The following MAPK9 variants were observed in gnomAD, a reference collection of about 807,000 sequenced individuals.
The protein encoded by MAPK9 is mitogen-activated protein kinase 9.
Under a neutral mutation model 57.1 loss-of-function variants are expected in MAPK9, and 30 were observed. That is an observed-to-expected ratio of 0.53 (90% confidence interval 0.39 to 0.71). MAPK9 has a LOEUF of 0.71. MAPK9 is among the 30% of genes least tolerant of loss of function. The pLI is 0.00. For missense variants in MAPK9, 362 were observed against 521.0 expected (o/e 0.69, Z 2.97); for synonymous variants, 155 against 177.0 (o/e 0.88, Z 0.99).
chr5:180,241,578 C>T (rs954528552), intron 8 of MAPK9, among the ~76,000 whole-genome samples: 3 of 152,226 alleles, frequency 2.0e-5, no homozygotes, highest in Non-Finnish European at 1.5e-5. Flanking sequence ...GGATTACAGG[C>T]GTGAGCCGCC....
At chr5:180,286,526 G>T (rs1222811058) in intron 1 of MAPK9, among the ~76,000 whole-genome samples, 1 of 151,748 alleles carries the variant, frequency 6.6e-6, no homozygotes, top group South Asian at 2.1e-4. Flanking sequence ...AGCTCTCAGG[G>T]CCATCCTCTG....
chr5:180,266,504 G>A (rs1760566929), intron 3 of MAPK9, among the ~76,000 whole-genome samples: 1 of 151,866 alleles, frequency 6.6e-6, no homozygotes, highest in Non-Finnish European at 1.5e-5. Context: ...TAGTAGAGAC[G>A]GGGTTTCACC....
chr5:180,270,265 ATTG>A (rs1464577047), intron 2 of MAPK9, among the ~76,000 whole-genome samples: 4 of 152,226 alleles, frequency 2.6e-5, no homozygotes, highest in African/African-American at 7.2e-5. Flanking sequence ...AGTTTATAAC[ATTG>A]TTTACATTTA....
chr5:180,239,392 G>A (rs969362964), intron 10 of MAPK9, among the ~76,000 whole-genome samples: 46 of 152,176 alleles, frequency 3.0e-4, no homozygotes, highest in African/African-American at 1.0e-3. Context: ...GGATGGCCCT[G>A]GGGCATGACC....
intron 2 of MAPK9, among the ~76,000 whole-genome samples, chr5:180,278,705 T>A (rs997707650): frequency 5.3e-5 from 8 of 151,420 alleles, no homozygotes; most frequent in Admixed American, 1.3e-4. Flanking sequence ...CTCAAAAAAA[T>A]AAATAAATAA....
intron 5 of MAPK9, among the ~76,000 whole-genome samples, chr5:180,251,841 T>C (rs1039261951): frequency 6.6e-6 from 1 of 152,084 alleles, no homozygotes; most frequent in Admixed American, 6.5e-5. Context: ...GGGCAGGTGC[T>C]GACCTCCCCC....
intron 1 of MAPK9, 49 bp from the exon 2 acceptor site, chr5:180,280,657 G>T (rs73811347): frequency 2.8e-5 from 40 of 1,449,890 alleles, no homozygotes; most frequent in Non-Finnish European, 3.4e-5. Context: ...AAGTACATAC[G>T]CAGCTCACGT....
At position 180,280,504 on chromosome 5, in the gene MAPK9, A is replaced by G. The variant is rs767823152; in HGVS notation, c.58T>C (p.Phe20Leu). 6.2e-7 allele frequency: 1 copy of G among 1,614,242 alleles called. No individual in the cohort carries two copies. ...TGCTGGTAACGTTTTAGGACAGTGA[A>G]GGTTGAGTCTGCCACTTGCACACTA... ...FYSVQVADST[F>L]TVLKRYQQLK... The change falls in exon 2 of 12, where the codon TTC (phenylalanine) becomes CTC (leucine). Residue 20 changes from phenylalanine (F) to leucine (L), a missense_variant. Phe to Leu is a conservative substitution (Grantham distance 22, BLOSUM62 0). Coordinates refer to ENST00000452135, the MANE Select transcript of MAPK9 (RefSeq NM_002752.5).
chr5:180,266,673 A>C (rs542017968), intron 3 of MAPK9, among the ~76,000 whole-genome samples: 1 of 151,234 alleles, frequency 6.6e-6, no homozygotes, highest in Non-Finnish European at 1.5e-5. Context: ...GGTGTGCCTT[A>C]AACTCCTGGC....
At chr5:180,250,912 C>G (rs1272032413) in intron 5 of MAPK9, among the ~76,000 whole-genome samples, 1 of 152,178 alleles carries the variant, frequency 6.6e-6, no homozygotes, top group Admixed American at 6.5e-5. Flanking sequence ...ACCAGGGACG[C>G]TCCGCTGTGA....
chr5:180,257,858 G>A, intron 5 of MAPK9: 1 of 182,118 alleles, frequency 5.5e-6, no homozygotes. Flanking sequence ...GTAAATTCAT[G>A]TGAATGCAGA....
intron 1 of MAPK9, chr5:180,287,020 C>G (rs184351795): frequency 6.6e-6 from 1 of 152,212 alleles, no homozygotes; most frequent in South Asian, 2.1e-4. Flanking sequence ...ACGAAAAAAG[C>G]CAATCTCAAA....
chr5:180,271,051 T>C (rs990990140), intron 2 of MAPK9, among the ~76,000 whole-genome samples: 1 of 152,066 alleles, frequency 6.6e-6, no homozygotes, highest in African/African-American at 2.4e-5. Flanking sequence ...GTAGATTTGT[T>C]CTCATCAGAA....
At chr5:180,248,653 G>A (rs1398270328) in intron 6 of MAPK9, among the ~76,000 whole-genome samples, 3 of 152,224 alleles carry the variant, frequency 2.0e-5, no homozygotes, top group Non-Finnish European at 4.4e-5. Flanking sequence ...GCCATGGGGA[G>A]GCCAGAGCTG....
rs34096279 is a variant in MAPK9, at chr5:180,236,885, T to G, written c.1133-359A>C. 364 of 159,782 alleles carry G rather than the reference T, an allele frequency of 2.3e-3. 3 individuals carry two copies. Among genetic ancestry groups the G allele is most frequent in the African/African-American group, 7.9e-3 (331 of 41,908 alleles). The allele number at this position is 159,782 out of a possible 1,614,324, so 9.9% of individuals were successfully genotyped here. A position where few individuals can be genotyped will look rare whatever the true frequency, so the allele number is the denominator to read the frequency against. On this transcript the variant is annotated intron_variant, in intron 11 of 11. Coordinates refer to ENST00000452135, the MANE Select transcript of MAPK9 (RefSeq NM_002752.5). Reference sequence around the variant, plus strand: ...CTGAAAATGCAGTATCACAAAAGCTTAAGCCTGACTAGGATTCCAGTGTCA... The same window carrying G: ...CTGAAAATGCAGTATCACAAAAGCTGAAGCCTGACTAGGATTCCAGTGTCA...
At chr5:180,259,098 T>C (rs940406806) in intron 5 of MAPK9, among the ~76,000 whole-genome samples, 12 of 150,378 alleles carry the variant, frequency 8.0e-5, no homozygotes, top group African/African-American at 2.7e-4. Context: ...ACATGAAAAA[T>C]CTCATACCAG....
At position 180,261,815 on chromosome 5, in the gene MAPK9, C is replaced by A. The variant is rs771396756; in HGVS notation, c.319G>T (p.Val107Phe). 1.9e-6 allele frequency: 3 copies of A among 1,604,046 alleles called. No homozygotes were observed. The South Asian group carries it at 3.4e-5, about 18-fold the overall frequency. ...TLEEFQDVYL[V>F]MELMDANLCQ... ...AAGTTAGCATCCATTAATTCCATAA[C>A]CAAATACCTGAGGGAGAAAAGGTCA... Residue 107 changes from valine (V) to phenylalanine (F), a missense_variant, in exon 5 of 12, where the codon GTT (valine) becomes TTT (phenylalanine). Val to Phe is a conservative substitution (Grantham distance 50). Around this residue, in one of 3 missense-constraint regions of MAPK9, gnomAD observed 127 missense variants for 231.7 expected, o/e 0.55. Coordinates refer to ENST00000452135, the MANE Select transcript of MAPK9 (RefSeq NM_002752.5).
intron 5 of MAPK9, among the ~76,000 whole-genome samples, chr5:180,251,805 T>A (rs1581199907): frequency 6.6e-6 from 1 of 151,824 alleles, no homozygotes; most frequent in African/African-American, 2.4e-5. Flanking sequence ...GCAGTGAGGG[T>A]ACCCACAGCA....
At chr5:180,258,405 A>G (rs1052283901) in intron 5 of MAPK9, 7 of 152,336 alleles carry the variant, frequency 4.6e-5, no homozygotes, top group African/African-American at 1.7e-4. Context: ...TGTTTAAGAA[A>G]TATGGTAAAA....
Sources: allele counts gnomAD v4.1 joint callset (sites outside exome capture counted in the v4.1 genomes callset), GRCh38; gene constraint gnomAD v4.1.1; regional missense constraint gnomAD v4.1.1; transcripts MANE v1.5; gene names NCBI Gene and HGNC (gene_info 2026-07-23, HGNC 2026-07-21).